The following B3GALT1 variants were observed in gnomAD, a reference collection of about 807,000 sequenced individuals.
B3GALT1 encodes UDP-Gal:betaGlcNAc beta 1,3-galactosyltransferase, polypeptide 1.
Under a neutral mutation model 23.2 loss-of-function variants are expected in B3GALT1, and 10 were observed. That is an observed-to-expected ratio of 0.43 (90% CI 0.27 to 0.73). The LOEUF (loss-of-function observed/expected upper bound fraction) is 0.73. Ranked by LOEUF, B3GALT1 falls within the 30% of genes least tolerant of loss-of-function variation. The pLI is 0.21. For synonymous variants in B3GALT1, 156 were observed against 141.5 expected (o/e 1.10, Z -0.73); for missense variants, 299 against 405.4 (o/e 0.74, Z 2.25).
At position 167,420,114 on chromosome 2, in the gene B3GALT1, TTGCG is replaced by T. The variant is rs1208377033; in HGVS notation, c.-510-70062_-510-70059del. 7.4e-4 allele frequency among the ~76,000 whole-genome samples: 113 copies of T among 152,312 alleles called. 1 individual carries two copies. In the East Asian group the frequency reaches 0.018, roughly 24 times the overall value. The stretch of plus-strand genomic sequence containing the variant: ...CTCTAGAATGAGCTGAAGGTTCATT[TTGCG>T]GCAGTCCAGAGTGCTGTATATAGTG... On this transcript the variant is annotated intron_variant, in intron 1 of 4. Coordinates refer to ENST00000392690, the MANE Select transcript of B3GALT1 (RefSeq NM_020981.4).
chr2:167,826,945 G>C (rs1461143193), intron 4 of B3GALT1, among the ~76,000 whole-genome samples: 4 of 152,160 alleles, frequency 2.6e-5, no homozygotes, highest in Admixed American at 6.5e-5. Context: ...ATTTTGTATG[G>C]TGGAATCTTG....
chr2:167,736,727 C>T (rs925546680), intron 3 of B3GALT1, among the ~76,000 whole-genome samples: 1 of 151,982 alleles, frequency 6.6e-6, no homozygotes, highest in African/African-American at 2.4e-5. Context: ...CATGGCGAAA[C>T]CCTGTTTCTA....
intron 1 of B3GALT1, among the ~76,000 whole-genome samples, chr2:167,345,851 T>TA (rs1277774565): frequency 6.6e-6 from 1 of 152,120 alleles, no homozygotes; most frequent in Non-Finnish European, 1.5e-5. Flanking sequence ...AGTGGAGTCT[T>TA]AAAAAACAAT....
At chr2:167,723,852 A>G (rs1041701287) in intron 3 of B3GALT1, among the ~76,000 whole-genome samples, 2 of 152,114 alleles carry the variant, frequency 1.3e-5, no homozygotes, top group African/African-American at 2.4e-5. Context: ...TTATTTTCAT[A>G]TATTTAGTTT....
intron 3 of B3GALT1, among the ~76,000 whole-genome samples, chr2:167,720,104 A>T (rs1305310528): frequency 6.6e-6 from 1 of 152,080 alleles, no homozygotes; most frequent in Non-Finnish European, 1.5e-5. Context: ...TTATATATAT[A>T]TTTTTTACAT....
At chr2:167,336,343 C>G (rs1207752631) in intron 1 of B3GALT1, among the ~76,000 whole-genome samples, 1 of 152,116 alleles carries the variant, frequency 6.6e-6, no homozygotes, top group Non-Finnish European at 1.5e-5. Flanking sequence ...ATGGTTTACC[C>G]AGGAAGACAA....
In B3GALT1 at chr2:167,870,119, G is replaced by C; in HGVS notation, c.*99G>C. The C allele has an allele frequency of 7.6e-6, 10 of 1,313,790 alleles. No homozygotes were observed. In the South Asian group the frequency reaches 8.6e-5, roughly 11 times the overall value. 81.4% of individuals were successfully genotyped at this position (1,313,790 alleles called of 1,614,324 possible). A position where few individuals can be genotyped will look rare whatever the true frequency, so the allele number is the denominator to read the frequency against. ...TGTCGGGGGAAATGAACTGGTGAAG[G>C]GGTTTTGTAAAGTTTTTGCTTCCTG... is the stretch of plus-strand genomic sequence containing the variant. On this transcript the variant is annotated 3_prime_UTR_variant, in exon 5 of 5. Coordinates refer to ENST00000392690, the MANE Select transcript of B3GALT1 (RefSeq NM_020981.4).
At chr2:167,426,439 T>C (rs547505052) in intron 1 of B3GALT1, among the ~76,000 whole-genome samples, 1 of 152,184 alleles carries the variant, frequency 6.6e-6, no homozygotes, top group East Asian at 1.9e-4. Context: ...CATGCCTGGC[T>C]AATTTTTGTA....
chr2:167,842,464 G>A (rs1449288114), intron 4 of B3GALT1, among the ~76,000 whole-genome samples: 2 of 152,172 alleles, frequency 1.3e-5, no homozygotes, highest in Non-Finnish European at 2.9e-5. Flanking sequence ...ACTCCTTAGA[G>A]GACAGGAGCG....
At chr2:167,767,514 C>G (rs1382734759) in intron 3 of B3GALT1, among the ~76,000 whole-genome samples, 1 of 152,084 alleles carries the variant, frequency 6.6e-6, no homozygotes, top group Non-Finnish European at 1.5e-5. Flanking sequence ...TTCTTCATGC[C>G]TCAGACTAGA....
chr2:167,772,424 C>G (rs2105309924), intron 3 of B3GALT1, among the ~76,000 whole-genome samples: 1 of 152,206 alleles, frequency 6.6e-6, no homozygotes, highest in South Asian at 2.1e-4. Flanking sequence ...AGACTGCAGG[C>G]TTAGGTAAAA....
At chr2:167,714,797 T>C in intron 3 of B3GALT1, 1 of 1,612,958 alleles carries the variant, frequency 6.2e-7, no homozygotes, top group Non-Finnish European at 8.5e-7. Flanking sequence ...TTCAGTGACA[T>C]GGCTGATCTT....
chr2:167,332,146 A>G (rs1281102023), intron 1 of B3GALT1, among the ~76,000 whole-genome samples: 2 of 152,100 alleles, frequency 1.3e-5, no homozygotes, highest in Non-Finnish European at 2.9e-5. Context: ...CTCAGAGTAC[A>G]CAATAGTCAA....
intron 3 of B3GALT1, among the ~76,000 whole-genome samples, chr2:167,799,539 A>C (rs1215746890): frequency 1.3e-5 from 2 of 152,216 alleles, no homozygotes; most frequent in Non-Finnish European, 1.5e-5. Flanking sequence ...TGTCATCTTC[A>C]GAACCCAAGA....
At chr2:167,450,108 G>A (rs1206909044) in intron 1 of B3GALT1, among the ~76,000 whole-genome samples, 1 of 152,102 alleles carries the variant, frequency 6.6e-6, no homozygotes, top group Non-Finnish European at 1.5e-5. Context: ...CAGCTTCACA[G>A]AATGATTTAG....
intron 1 of B3GALT1, among the ~76,000 whole-genome samples, chr2:167,483,186 G>C (rs1183841719): frequency 6.6e-6 from 1 of 151,894 alleles, no homozygotes; most frequent in Non-Finnish European, 1.5e-5. Flanking sequence ...CCAGCTACTC[G>C]GAAGGCTGAG....
intron 2 of B3GALT1, among the ~76,000 whole-genome samples, chr2:167,495,923 A>G (rs1203936456): frequency 1.3e-5 from 2 of 152,228 alleles, no homozygotes; most frequent in Admixed American, 6.5e-5. Context: ...TTTAAAAGGC[A>G]TAGAATCAAT....
intron 1 of B3GALT1, among the ~76,000 whole-genome samples, chr2:167,397,877 G>T (rs1026957020): frequency 1.3e-5 from 2 of 152,038 alleles, no homozygotes; most frequent in African/African-American, 2.4e-5. Context: ...TCAAGCTGCT[G>T]CCAGAACCTA....
intron 2 of B3GALT1, among the ~76,000 whole-genome samples, chr2:167,521,980 G>GTATATATATA (rs1211999226): frequency 1.3e-3 from 172 of 128,102 alleles, no homozygotes; most frequent in Middle Eastern, 4.5e-3. Context: ...GTGTGTGTGT[G>GTATATATATA]TGTGTATATA....
Sources: gnomAD v4.1 joint callset for allele counts (sites outside exome capture counted in the v4.1 genomes callset) on GRCh38, gnomAD v4.1.1 for gene constraint, MANE v1.5 for transcripts, NCBI Gene and HGNC (gene_info 2026-07-23, HGNC 2026-07-21) for gene names.